ST6GAL1: variants seen among roughly 807,000 people sequenced by gnomAD.
ST6GAL1 encodes the protein ST6 beta-galactoside alpha-2,6-sialyltransferase 1.
In ST6GAL1, 20 loss-of-function variants were observed where a neutral mutation model predicts 38.0. The observed-to-expected ratio is 0.53, with a 90% CI of 0.37 to 0.77. The LOEUF is 0.77. Ranked by LOEUF, ST6GAL1 falls within the 30% of genes least tolerant of loss-of-function variation. The probability of loss-of-function intolerance (pLI) is 0.00; values close to 1 mark genes in which losing one functional copy is unlikely to be tolerated. For synonymous variants in ST6GAL1, 196 were observed against 188.2 expected (o/e 1.04, Z -0.34); for missense variants, 432 against 496.4 (o/e 0.87, Z 1.23).
At chr3:187,046,278 A>T (rs1235241000) in intron 4 of ST6GAL1, among the ~76,000 whole-genome samples, 1 of 152,200 alleles carries the variant, frequency 6.6e-6, no homozygotes, top group Admixed American at 6.5e-5. Context: ...CAGGATGTCT[A>T]GCCTGGGAGC....
chr3:187,012,116 C>T (rs1462327678), intron 2 of ST6GAL1, among the ~76,000 whole-genome samples: 5 of 152,190 alleles, frequency 3.3e-5, no homozygotes, highest in Non-Finnish European at 7.3e-5. Context: ...TAGTCGTGCT[C>T]TTGCTACACA....
chr3:187,004,327 A>C (rs113811460), intron 2 of ST6GAL1, among the ~76,000 whole-genome samples: 24 of 152,356 alleles, frequency 1.6e-4, no homozygotes, highest in African/African-American at 4.8e-4. Context: ...AGAACAGACT[A>C]ACACAGGGAG....
chr3:186,935,314 C>G (rs903592750), intron 1 of ST6GAL1, among the ~76,000 whole-genome samples: 1 of 152,138 alleles, frequency 6.6e-6, no homozygotes, highest in Non-Finnish European at 1.5e-5. Flanking sequence ...CAGCTCCATC[C>G]CTGTTCCTGC....
At chr3:187,022,183 A>G (rs1419413631) in intron 2 of ST6GAL1, among the ~76,000 whole-genome samples, 2 of 152,182 alleles carry the variant, frequency 1.3e-5, no homozygotes, top group Admixed American at 6.5e-5. Flanking sequence ...ATCTGACACT[A>G]TTTCCAGGTA....
chr3:186,989,866 T>G (rs1186686734), intron 2 of ST6GAL1, among the ~76,000 whole-genome samples: 2 of 152,206 alleles, frequency 1.3e-5, no homozygotes, highest in African/African-American at 4.8e-5. Flanking sequence ...CTGGATGTCC[T>G]TCCAGCACTG....
chr3:186,995,474 C>A (rs532792517), intron 2 of ST6GAL1, among the ~76,000 whole-genome samples: 4 of 145,014 alleles, frequency 2.8e-5, no homozygotes, highest in African/African-American at 1.0e-4. Flanking sequence ...CCACTGCACT[C>A]CAGCCTGGGT....
intron 5 of ST6GAL1, among the ~76,000 whole-genome samples, chr3:187,055,953 AG>A (rs1403706715): frequency 9.2e-5 from 14 of 152,222 alleles, no homozygotes; most frequent in African/African-American, 2.9e-4. Context: ...GTCTCTTTGT[AG>A]GTCTCTGAGG....
chr3:186,945,071 C>T (rs929095700), intron 1 of ST6GAL1, among the ~76,000 whole-genome samples: 1 of 152,168 alleles, frequency 6.6e-6, no homozygotes. Flanking sequence ...AAAATCCTAG[C>T]ACTTTGGGAG....
Position 187,075,434 on chromosome 3 carries a change from T to C in ST6GAL1, c.980-128T>C. On this transcript the variant is annotated intron_variant, in intron 7 of 7. Coordinates refer to ENST00000169298, the MANE Select transcript of ST6GAL1 (RefSeq NM_173216.2). The surrounding 1 kb of genome is among the most constrained non-coding windows in gnomAD (Gnocchi z 4.1). Reference sequence around the variant, plus strand: ...CTGAAACTTAGATTGGGAATCACAGTCATAAATAGAAACTCCAGAGGGAAA... The same window carrying C: ...CTGAAACTTAGATTGGGAATCACAGCCATAAATAGAAACTCCAGAGGGAAA... 7.2e-7 allele frequency: 1 copy of C among 1,389,836 alleles called. No homozygotes were observed. Among genetic ancestry groups the C allele is most frequent in the East Asian group, 2.3e-5 (1 of 43,344 alleles). 86.1% of individuals were successfully genotyped at this position (1,389,836 alleles called of 1,614,324 possible). A position where few individuals can be genotyped will look rare whatever the true frequency, so the allele number is the denominator to read the frequency against.
chr3:187,043,183 C>T lies in ST6GAL1; in HGVS notation c.480C>T (p.Phe160=), dbSNP rs1280995319. The stretch of plus-strand genomic sequence containing the variant: ...TGGTAGAGGTCACAGATTTTCCCTT[C>T]AATACCTCTGAATGGGAGGGTTATC... The part of the protein sequence containing the change: ...VSMVEVTDFP[F]NTSEWEGYLP... Residue 160 remains phenylalanine (F), a synonymous_variant, in exon 4 of 8, where the codon TTC becomes TTT. Transcript: ENST00000169298. 1 of 1,614,202 alleles carries T rather than the reference C, an allele frequency of 6.2e-7. No homozygotes were observed. Among genetic ancestry groups the T allele is most frequent in the Non-Finnish European group, 8.5e-7 (1 of 1,180,038 alleles).
chr3:187,006,600 G>C (rs1302449298), intron 2 of ST6GAL1: 4 of 152,128 alleles, frequency 2.6e-5, no homozygotes, highest in African/African-American at 9.7e-5. Flanking sequence ...ATAATTCTAT[G>C]TGGTAAGTAT....
chr3:186,984,284 A>C (rs950478278), intron 2 of ST6GAL1, among the ~76,000 whole-genome samples: 1 of 152,094 alleles, frequency 6.6e-6, no homozygotes, highest in Non-Finnish European at 1.5e-5. Context: ...CCTTACTACT[A>C]TCCCTGCCCC....
intron 5 of ST6GAL1, among the ~76,000 whole-genome samples, chr3:187,056,518 A>C (rs1054570735): frequency 6.6e-6 from 1 of 152,104 alleles, no homozygotes; most frequent in Non-Finnish European, 1.5e-5. Flanking sequence ...ATCTCTCAGC[A>C]TTTGCTTGTC....
intron 2 of ST6GAL1, among the ~76,000 whole-genome samples, chr3:186,981,151 T>C (rs1364794033): frequency 6.6e-6 from 1 of 152,208 alleles, no homozygotes; most frequent in African/African-American, 2.4e-5. Flanking sequence ...CAAAGAACCA[T>C]GTGTGAATTG....
Position 187,043,203 on chromosome 3 carries a change from G to T in ST6GAL1, c.500G>T (p.Gly167Val), listed in dbSNP as rs1172858109. 2.5e-6 allele frequency: 4 copies of T among 1,614,242 alleles called. No individual in the cohort carries two copies. Among genetic ancestry groups the T allele is most frequent in the Admixed American group, 3.3e-5 (2 of 60,032 alleles). ...CCCTTCAATACCTCTGAATGGGAGG[G>T]TTATCTGCCCAAGGAGAGCATTAGG... is the stretch of plus-strand genomic sequence containing the variant. Reference protein sequence around the residue: ...DFPFNTSEWEGYLPKESIRTK... With the variant: ...DFPFNTSEWEVYLPKESIRTK... The change falls in exon 4 of 8, where the codon GGT becomes GTT. Residue 167 changes from glycine to valine, a missense_variant. By Grantham distance (109) the Gly-to-Val change is moderately radical. Transcript: ENST00000169298.
At chr3:187,037,384 C>T (rs1295014571) in intron 2 of ST6GAL1, among the ~76,000 whole-genome samples, 1 of 152,056 alleles carries the variant, frequency 6.6e-6, no homozygotes. Flanking sequence ...TTGATTACCT[C>T]TTTATTTTGG....
At chr3:187,026,676 G>A in intron 2 of ST6GAL1, among the ~76,000 whole-genome samples, 1 of 152,176 alleles carries the variant, frequency 6.6e-6, no homozygotes, top group Non-Finnish European at 1.5e-5. Context: ...CCAAAGCCAA[G>A]GCTTCTCAAA....
intron 3 of ST6GAL1, among the ~76,000 whole-genome samples, chr3:187,041,140 A>G (rs945100284): frequency 6.6e-6 from 1 of 152,186 alleles, no homozygotes; most frequent in Non-Finnish European, 1.5e-5. Flanking sequence ...AATGAATACC[A>G]TGCTCTTGTT....
intron 1 of ST6GAL1, chr3:186,942,504 A>G (rs1349233164): frequency 6.6e-6 from 1 of 151,924 alleles, no homozygotes; most frequent in East Asian, 1.9e-4. Context: ...TACAGTGCCG[A>G]GCTTCCAGCT....
Sources: gnomAD v4.1 joint callset for allele counts (sites outside exome capture counted in the v4.1 genomes callset) on GRCh38, gnomAD v4.1.1 for gene constraint, Gnocchi (gnomAD v3.1) non-coding constraint, MANE v1.5 for transcripts, NCBI Gene and HGNC (gene_info 2026-07-23, HGNC 2026-07-21) for gene names.